KIAA1217: variants seen among roughly 807,000 people sequenced by gnomAD.
The protein encoded by KIAA1217 is KIAA1217.
In KIAA1217, 88 loss-of-function variants were observed where a neutral mutation model predicts 163.9. The ratio of observed to expected loss-of-function variants is 0.54; its 90% CI spans 0.45 to 0.64. The LOEUF is 0.64. Ranked by LOEUF, KIAA1217 falls within the 30% of genes least tolerant of loss-of-function variation. The probability of loss-of-function intolerance (pLI) is 0.00; values close to 1 mark genes in which losing one functional copy is unlikely to be tolerated. For missense variants in KIAA1217, 2,372 were observed against 2,475.0 expected (o/e 0.96, Z 0.88); for synonymous variants, 903 against 923.1 (o/e 0.98, Z 0.39).
At chr10:24,489,709 AAAG>A (rs2065860442) in intron 6 of KIAA1217, among the ~76,000 whole-genome samples, 1 of 151,724 alleles carries the variant, frequency 6.6e-6, no homozygotes, top group Non-Finnish European at 1.5e-5. Flanking sequence ...TAAAAATACA[AAAG>A]AATTAGCCAG....
At chr10:23,955,714 T>G (rs1444277850) in intron 1 of KIAA1217, among the ~76,000 whole-genome samples, 1 of 152,162 alleles carries the variant, frequency 6.6e-6, no homozygotes, top group Non-Finnish European at 1.5e-5. Context: ...GCTTGGAGAT[T>G]TTATCATATA....
chr10:24,422,600 G>A (rs1253382573), intron 3 of KIAA1217, among the ~76,000 whole-genome samples: 1 of 152,210 alleles, frequency 6.6e-6, no homozygotes, highest in Non-Finnish European at 1.5e-5. Context: ...GGAAGGACCA[G>A]GAGGATCACA....
At chr10:23,833,651 T>C (rs1240947366) in intron 1 of KIAA1217, among the ~76,000 whole-genome samples, 1 of 152,066 alleles carries the variant, frequency 6.6e-6, no homozygotes, top group African/African-American at 2.4e-5. Context: ...TTTCAATACT[T>C]CTGTCTCTAG....
At chr10:24,284,038 T>C (rs1201436881) in intron 2 of KIAA1217, among the ~76,000 whole-genome samples, 2 of 151,864 alleles carry the variant, frequency 1.3e-5, no homozygotes, top group African/African-American at 4.8e-5. Context: ...GCCTCCCGAG[T>C]AGCAGGAACT....
At chr10:24,246,143 C>T (rs1590192321) in intron 2 of KIAA1217, among the ~76,000 whole-genome samples, 1 of 152,140 alleles carries the variant, frequency 6.6e-6, no homozygotes, top group East Asian at 1.9e-4. Context: ...GAAAGCAGCT[C>T]CGGTAAAGAG....
At position 24,474,062 on chromosome 10, in the gene KIAA1217, T is replaced by A. The variant is rs1476309008; in HGVS notation, c.1679+2T>A. 1 of 1,593,840 alleles carries A rather than the reference T, an allele frequency of 6.3e-7. No homozygotes were observed. ...AATACCCAAAGACAGAGAGACCAGG[T>A]AAGGTGCAGTGAGGGTGACCGAGGG... is the stretch of plus-strand genomic sequence containing the variant. On this transcript the variant is annotated splice_donor_variant, in intron 6 of 20. Transcript: ENST00000376454. LOFTEE classifies it high-confidence loss of function.
chr10:23,875,060 T>A (rs1416152224), intron 1 of KIAA1217, among the ~76,000 whole-genome samples: 2 of 151,890 alleles, frequency 1.3e-5, no homozygotes, highest in Non-Finnish European at 2.9e-5. Flanking sequence ...AAGAAGCAGA[T>A]CTCATGTGAA....
chr10:24,149,118 C>A (rs1589680224), intron 2 of KIAA1217, among the ~76,000 whole-genome samples: 1 of 152,102 alleles, frequency 6.6e-6, no homozygotes, highest in South Asian at 2.1e-4. Flanking sequence ...TTTGATAGAA[C>A]TGACAGTTTA....
At chr10:24,001,030 C>G (rs2131464296) in intron 1 of KIAA1217, among the ~76,000 whole-genome samples, 1 of 151,860 alleles carries the variant, frequency 6.6e-6, no homozygotes, top group Admixed American at 6.6e-5. Flanking sequence ...AAAACCTTAA[C>G]AATAAAGATA....
intron 2 of KIAA1217, among the ~76,000 whole-genome samples, chr10:24,379,564 G>GT (rs2134760359): frequency 1.3e-5 from 2 of 152,274 alleles, no homozygotes; most frequent in East Asian, 3.9e-4. Flanking sequence ...ATGTAGGAAG[G>GT]TGTGATTGTC....
rs75262396 is a variant in KIAA1217 at position 24,393,887 on chromosome 10, G to C, written c.553+12820G>C. ...CCCACGTACTTAATTGTGGCAGCCT[G>C]AACAAATGAGTACGGGGACTCCTGT... On this transcript the variant is annotated intron_variant, in intron 3 of 20. Coordinates refer to ENST00000376454, the MANE Select transcript of KIAA1217 (RefSeq NM_019590.5). 3.9e-4 allele frequency among the ~76,000 whole-genome samples: 59 copies of C among 152,290 alleles called. No individual in the cohort carries two copies. In the East Asian group the frequency reaches 0.01, roughly 27 times the overall value.
At chr10:24,087,303 T>C (rs1208274541) in intron 2 of KIAA1217, among the ~76,000 whole-genome samples, 1 of 152,216 alleles carries the variant, frequency 6.6e-6, no homozygotes, top group African/African-American at 2.4e-5. Flanking sequence ...TTTAATATAT[T>C]GTCTTTGCAT....
At chr10:23,867,946 T>C (rs1267416247) in intron 1 of KIAA1217, among the ~76,000 whole-genome samples, 4 of 152,204 alleles carry the variant, frequency 2.6e-5, no homozygotes, top group Non-Finnish European at 5.9e-5. Context: ...TCCTGAATGG[T>C]AATGCCTAGG....
chr10:24,350,481 G>T (rs191429459), intron 2 of KIAA1217, among the ~76,000 whole-genome samples: 150 of 152,012 alleles, frequency 9.9e-4, no homozygotes, highest in Non-Finnish European at 3.7e-4. Context: ...TTTTGCCTGG[G>T]TGCATTTTGA....
chr10:24,121,293 G>A (rs933700093), intron 2 of KIAA1217, among the ~76,000 whole-genome samples: 1 of 152,114 alleles, frequency 6.6e-6, no homozygotes, highest in African/African-American at 2.4e-5. Context: ...ACATGTGTTG[G>A]TAATTGATTT....
intron 2 of KIAA1217, among the ~76,000 whole-genome samples, chr10:24,024,486 GT>G (rs1847861347): frequency 6.6e-6 from 1 of 151,686 alleles, no homozygotes; most frequent in Admixed American, 6.6e-5. Context: ...AGATATTTGA[GT>G]TGCTTTTGAT....
chr10:24,237,691 T>TG (rs2072479427), intron 2 of KIAA1217, among the ~76,000 whole-genome samples: 1 of 152,216 alleles, frequency 6.6e-6, no homozygotes, highest in Non-Finnish European at 1.5e-5. Context: ...TGGTTATATC[T>TG]GGTTTTTGTT....
At chr10:23,874,795 C>G (rs552735248) in intron 1 of KIAA1217, among the ~76,000 whole-genome samples, 1 of 151,910 alleles carries the variant, frequency 6.6e-6, no homozygotes, top group African/African-American at 2.4e-5. Flanking sequence ...GTCACTATTA[C>G]AAATAATCAT....
chr10:23,930,031 C>T (rs754911295), intron 1 of KIAA1217, among the ~76,000 whole-genome samples: 6 of 152,176 alleles, frequency 3.9e-5, no homozygotes, highest in Non-Finnish European at 8.8e-5. Context: ...CCTTTTTCTA[C>T]AACTTTGCTG....
Sources: allele counts gnomAD v4.1 joint callset (sites outside exome capture counted in the v4.1 genomes callset), GRCh38; gene constraint gnomAD v4.1.1; transcripts MANE v1.5; gene names NCBI Gene and HGNC (gene_info 2026-07-23, HGNC 2026-07-21).